SETD2: variants seen among roughly 807,000 people sequenced by gnomAD.
SETD2 encodes the protein histone-lysine N-methyltransferase SETD2.
In SETD2, 31 loss-of-function variants were observed where a neutral mutation model predicts 242.1. The ratio of observed to expected loss-of-function variants is 0.13; its 90% CI spans 0.10 to 0.17. The LOEUF (loss-of-function observed/expected upper bound fraction) is 0.17. SETD2 is among the 10% of genes least tolerant of loss of function. The probability of loss-of-function intolerance (pLI) is 1.00; values close to 1 mark genes in which losing one functional copy is unlikely to be tolerated. For synonymous variants in SETD2, 1,006 were observed against 1,066.5 expected (o/e 0.94, Z 1.11); for missense variants, 2,481 against 3,046.3 (o/e 0.81, Z 4.37).
intron 1 of SETD2, among the ~76,000 whole-genome samples, chr3:47,135,135 T>C (rs1575833264): frequency 1.3e-5 from 2 of 152,208 alleles, no homozygotes; most frequent in South Asian, 2.1e-4. Context: ...ATAACTATAA[T>C]ACAAGGTAAC....
intron 1 of SETD2, among the ~76,000 whole-genome samples, chr3:47,136,502 T>C (rs1462584428): frequency 6.6e-6 from 1 of 152,200 alleles, no homozygotes; most frequent in Non-Finnish European, 1.5e-5. Flanking sequence ...TGTATGGAGC[T>C]GGAGGCCATT....
In SETD2 at chr3:47,148,536, G is replaced by C. The variant is rs572963392; in HGVS notation, c.71+15318C>G. ...ATTTCAAAGTACAATCTGTGTTCAA[G>C]TATTCTCCAATTTTTTATACCTTCT... On this transcript the variant is annotated intron_variant, in intron 1 of 20. Transcript: ENST00000409792. Among the ~76,000 whole-genome samples, 6 of 152,242 alleles carry C rather than the reference G, an allele frequency of 3.9e-5. 1 individual carries two copies. In the South Asian group the frequency reaches 1.2e-3, roughly 32 times the overall value.
intron 1 of SETD2, among the ~76,000 whole-genome samples, chr3:47,141,343 C>T (rs901452691): frequency 6.5e-4 from 99 of 152,076 alleles, no homozygotes; most frequent in Non-Finnish European, 1.4e-3. Context: ...TTGTATTGTA[C>T]CAGACTAAGT....
At chr3:47,088,960 AT>A (rs2041682041) in intron 9 of SETD2, among the ~76,000 whole-genome samples, 1 of 152,172 alleles carries the variant, frequency 6.6e-6, no homozygotes, top group Admixed American at 6.5e-5. Flanking sequence ...ATAAACGGCC[AT>A]GTTCACTCAA....
At chr3:47,073,751 C>G (rs1457969497) in intron 12 of SETD2, among the ~76,000 whole-genome samples, 2 of 152,128 alleles carry the variant, frequency 1.3e-5, no homozygotes, top group East Asian at 1.9e-4. Context: ...TGTTCAATAC[C>G]TAATACATAT....
At chr3:47,033,179 G>C (rs138488947) in intron 18 of SETD2, among the ~76,000 whole-genome samples, 2 of 152,136 alleles carry the variant, frequency 1.3e-5, no homozygotes, top group African/African-American at 4.8e-5. Context: ...TCCCATACAA[G>C]TAAACAGAGC....
At chr3:47,063,598 T>A (rs994396899) in intron 13 of SETD2, among the ~76,000 whole-genome samples, 3 of 152,196 alleles carry the variant, frequency 2.0e-5, no homozygotes, top group Admixed American at 2.0e-4. Flanking sequence ...AATCTCACTG[T>A]TTTCACTTAC....
At chr3:47,155,363 C>T (rs1559770440) in intron 1 of SETD2, among the ~76,000 whole-genome samples, 1 of 152,142 alleles carries the variant, frequency 6.6e-6, no homozygotes, top group Non-Finnish European at 1.5e-5. Flanking sequence ...TCAAAAGGTT[C>T]TGCCAAAAGT....
intron 11 of SETD2, among the ~76,000 whole-genome samples, chr3:47,084,723 G>A (rs2041475818): frequency 6.6e-6 from 1 of 151,304 alleles, no homozygotes; most frequent in Non-Finnish European, 1.5e-5. Flanking sequence ...ACCACACCTG[G>A]CTACAGTTGA....
intron 12 of SETD2, among the ~76,000 whole-genome samples, chr3:47,070,118 A>G (rs2040755801): frequency 6.6e-6 from 1 of 152,164 alleles, no homozygotes; most frequent in African/African-American, 2.4e-5. Flanking sequence ...ATTTAAAGTA[A>G]TTTATTACAT....
intron 1 of SETD2, among the ~76,000 whole-genome samples, chr3:47,128,611 A>G (rs1559755129): frequency 6.6e-6 from 1 of 152,212 alleles, no homozygotes; most frequent in African/African-American, 2.4e-5. Context: ...CAGTAAGCTG[A>G]TAATACATGA....
chr3:47,119,918 T>C, intron 3 of SETD2: 1 of 413,228 alleles, frequency 2.4e-6, no homozygotes, highest in Non-Finnish European at 4.4e-6. Flanking sequence ...TGGGCTAGCC[T>C]AAATTGTACC....
intron 1 of SETD2, among the ~76,000 whole-genome samples, chr3:47,132,747 T>C (rs1190867506): frequency 6.6e-6 from 1 of 152,194 alleles, no homozygotes; most frequent in Non-Finnish European, 1.5e-5. Flanking sequence ...TACCTAAAGA[T>C]TTCTTACTAA....
At position 47,121,226 on chromosome 3, in the gene SETD2, G is replaced by A. The variant is rs2106643162; in HGVS notation, c.3410C>T (p.Thr1137Ile). The change falls in exon 3 of 21, where the codon ACA becomes ATA. Residue 1137 changes from threonine (T) to isoleucine (I), a missense_variant. Transcript: ENST00000409792. ...AAAAGAAATTTCCGGATTCTTCTCT[G>A]TTCCTTTATGAAGGAAAAACTTATC... ...QTDKFFLHKGTEKNPEISFTQ... is the reference protein window; with the variant it reads ...QTDKFFLHKGIEKNPEISFTQ... 1 of 1,614,056 alleles carries A rather than the reference G, an allele frequency of 6.2e-7. No homozygotes were observed. Among genetic ancestry groups the A allele is most frequent in the African/African-American group, 1.3e-5 (1 of 75,030 alleles).
intron 18 of SETD2, 115 bp downstream of exon 18, chr3:47,037,551 T>C (rs1191130112): frequency 4.1e-6 from 3 of 726,070 alleles, no homozygotes; most frequent in Non-Finnish European, 7.3e-6. Flanking sequence ...CCTTGATACA[T>C]GCATAGTCAC....
chr3:47,050,907 A>C (rs2039808880), intron 15 of SETD2, among the ~76,000 whole-genome samples: 1 of 149,766 alleles, frequency 6.7e-6, no homozygotes, highest in Non-Finnish European at 1.5e-5. Context: ...ATTTTTTTGT[A>C]TTTTTAGTAG....
chr3:47,137,580 A>G (rs1425020639), intron 1 of SETD2, among the ~76,000 whole-genome samples: 1 of 152,220 alleles, frequency 6.6e-6, no homozygotes, highest in African/African-American at 2.4e-5. Context: ...CTAGCATACA[A>G]GCTTCTTTAG....
At chr3:47,141,110 T>C (rs2043718995) in intron 1 of SETD2, among the ~76,000 whole-genome samples, 1 of 122,398 alleles carries the variant, frequency 8.2e-6, no homozygotes, top group Non-Finnish European at 1.7e-5. Flanking sequence ...CCCATTCTAG[T>C]GATCCTCCCA....
intron 15 of SETD2, among the ~76,000 whole-genome samples, chr3:47,047,804 T>C (rs956439704): frequency 6.6e-6 from 1 of 152,220 alleles, no homozygotes; most frequent in South Asian, 2.1e-4. Flanking sequence ...TGTACAGTCA[T>C]GTATTGCTTA....
Sources: allele counts gnomAD v4.1 joint callset (sites outside exome capture counted in the v4.1 genomes callset), GRCh38; gene constraint gnomAD v4.1.1; transcripts MANE v1.5; gene names NCBI Gene and HGNC (gene_info 2026-07-23, HGNC 2026-07-21).